Variants in FAM234B observed in about 807,000 individuals in gnomAD.
FAM234B encodes protein FAM234B.
FAM234B carries 33 observed loss-of-function variants against 69.3 expected under a neutral mutation model. The observed-to-expected ratio is 0.48, with a 90% CI of 0.36 to 0.64. The LOEUF (loss-of-function observed/expected upper bound fraction) is 0.64. FAM234B is among the 30% of genes least tolerant of loss of function. FAM234B has a pLI of 0.00. For synonymous variants in FAM234B, 306 were observed against 306.9 expected (o/e 1.00, Z 0.03); for missense variants, 697 against 769.7 (o/e 0.91, Z 1.12).
chr12:13,066,696 T>G lies in FAM234B; in HGVS notation c.909T>G (p.Pro303=), dbSNP rs745365598. 3.7e-6 allele frequency: 6 copies of G among 1,613,972 alleles called. No individual in the cohort carries two copies. Among genetic ancestry groups the G allele is most frequent in the Non-Finnish European group, 5.1e-6 (6 of 1,179,978 alleles). ...SGRTGNPVGR[P]VKYNIVGVGN... is the part of the protein sequence containing the mutation. ...GGACCGGAAATCCAGTGGGTCGACC[T>G]GTGAAGTACAACATCGTTGGAGTTG... Residue 303 remains proline, a synonymous_variant, in exon 6 of 13, where the codon CCT becomes CCG. Coordinates refer to ENST00000197268, the MANE Select transcript of FAM234B (RefSeq NM_020853.2).
chr12:13,051,897 A>T (rs1864880678), intron 1 of FAM234B, among the ~76,000 whole-genome samples: 1 of 152,242 alleles, frequency 6.6e-6, no homozygotes, highest in Non-Finnish European at 1.5e-5. Flanking sequence ...TAAGAAGCAG[A>T]CATATATTAT....
At position 13,081,456 on chromosome 12, in the gene FAM234B, GTA is replaced by G. The variant is rs1865225155; in HGVS notation, c.*828_*829del. On this transcript the variant is annotated 3_prime_UTR_variant, in exon 13 of 13. Coordinates refer to ENST00000197268, the MANE Select transcript of FAM234B (RefSeq NM_020853.2). ...TTTTTTCTGTGGCGACATCAGAAGTGTATGTTTGCATGCTGTCTTCAACTTAG... is the reference window on the plus strand; with the variant it reads ...TTTTTTCTGTGGCGACATCAGAAGTGTGTTTGCATGCTGTCTTCAACTTAG... 1 of 152,298 alleles carries G rather than the reference GTA, an allele frequency of 6.6e-6. No homozygotes were observed. The highest frequency in any genetic ancestry group is 2.4e-5 in the African/African-American group (1 of 41,450). 9.4% of individuals were successfully genotyped at this position (152,298 alleles called of 1,614,324 possible). A position where few individuals can be genotyped will look rare whatever the true frequency, so the allele number is the denominator to read the frequency against.
chr12:13,075,606 T>C (rs1255209197), intron 10 of FAM234B, among the ~76,000 whole-genome samples: 1 of 108,732 alleles, frequency 9.2e-6, no homozygotes, highest in Admixed American at 1.0e-4. Context: ...CAGCTTTTTT[T>C]TCTCTTTTTT....
Position 13,067,307 on chromosome 12 carries a change from C to T in FAM234B, c.1142+11C>T, listed in dbSNP as rs368080351. The T allele has an allele frequency of 7.4e-6, 12 of 1,613,764 alleles. No individual in the cohort carries two copies. Among genetic ancestry groups the T allele is most frequent in the East Asian group, 2.2e-5 (1 of 44,884 alleles). Reference sequence around the variant, plus strand: ...CATTGATGTTTACAGGTAGGGCAGACGTCTGTCCTTGGTCACAGTGAGATC... The same window carrying T: ...CATTGATGTTTACAGGTAGGGCAGATGTCTGTCCTTGGTCACAGTGAGATC... On this transcript the variant is annotated intron_variant, in intron 7 of 12. Coordinates refer to ENST00000197268, the MANE Select transcript of FAM234B (RefSeq NM_020853.2). This position sits in a 1 kb window ranked among gnomAD's most constrained non-coding sequence, Gnocchi z 4.7.
In FAM234B at chr12:13,082,655, T is replaced by C. The variant is rs1865249990; in HGVS notation, c.*2025T>C. ...TTTGAAGAATTAATTTATAGGCAGC[T>C]GAATACCCAAAACTTGGGTGGTGGT... On this transcript the variant is annotated 3_prime_UTR_variant, in exon 13 of 13. Transcript: ENST00000197268. 6.6e-6 allele frequency: 1 copy of C among 152,218 alleles called. No homozygotes were observed. The allele number at this position is 152,218 out of a possible 1,614,324, so 9.4% of individuals were successfully genotyped here.
chr12:13,077,155 G>A (rs917567280), intron 11 of FAM234B, among the ~76,000 whole-genome samples: 3 of 152,074 alleles, frequency 2.0e-5, no homozygotes, highest in Non-Finnish European at 4.4e-5. Context: ...AGATCTGAGT[G>A]AGCTGTTTTT....
intron 11 of FAM234B, among the ~76,000 whole-genome samples, chr12:13,079,246 A>C (rs890535532): frequency 3.5e-4 from 54 of 152,202 alleles, no homozygotes; most frequent in Non-Finnish European, 5.1e-4. Context: ...CATACCTACA[A>C]CTATCTGATC....
chr12:13,044,407 G>C lies in FAM234B; in HGVS notation c.4G>C (p.Ala2Pro). The C allele has an allele frequency of 6.4e-7, 1 of 1,551,838 alleles. No homozygotes were observed. Among genetic ancestry groups the C allele is most frequent in the South Asian group, 1.2e-5 (1 of 84,104 alleles). M[A>P]TVLSRALKLP... ...CACGCGCACCGGGGCCTCAGCCATG[G>C]CGACCGTGCTGTCCAGGGCGCTCAA... is the stretch of plus-strand genomic sequence containing the variant. Residue 2 changes from alanine (A) to proline (P), a missense_variant, in exon 1 of 13, where the codon GCG becomes CCG. This residue lies in a region of FAM234B where 380 missense variants were observed against 447.1 expected (regional missense o/e 0.85). Coordinates refer to ENST00000197268, the MANE Select transcript of FAM234B (RefSeq NM_020853.2). This position sits in a 1 kb window ranked among gnomAD's most constrained non-coding sequence, Gnocchi z 5.6.
chr12:13,055,499 AGGGTG>A (rs1282589079), intron 1 of FAM234B, 47 bp from the exon 2 acceptor site: 1 of 1,478,338 alleles, frequency 6.8e-7, no homozygotes, highest in Admixed American at 2.2e-5. Flanking sequence ...ATATTTGGTG[AGGGTG>A]TCTTCTCCCC....
chr12:13,046,450 G>C (rs1864813182), intron 1 of FAM234B, among the ~76,000 whole-genome samples: 1 of 151,556 alleles, frequency 6.6e-6, no homozygotes, highest in Admixed American at 6.6e-5. Context: ...TTCTTTGTTT[G>C]TTTTTTTGTT....
chr12:13,075,433 C>CTTTTTTTTTTTTTTTTT (rs59012504), intron 10 of FAM234B, among the ~76,000 whole-genome samples: 23 of 137,506 alleles, frequency 1.7e-4, no homozygotes, highest in South Asian at 2.3e-4. Context: ...CTTTTCTTTT[C>CTTTTTTTTTTTTTTTTT]TTTTTTTTTT....
At chr12:13,069,106 A>G (rs974721246) in intron 9 of FAM234B, among the ~76,000 whole-genome samples, 3 of 152,240 alleles carry the variant, frequency 2.0e-5, no homozygotes, top group African/African-American at 7.2e-5. Context: ...AAGGAGGGAA[A>G]TATAAGCAGC....
chr12:13,062,309 G>A (rs1405315758), intron 4 of FAM234B: 1 of 155,762 alleles, frequency 6.4e-6, no homozygotes, highest in Non-Finnish European at 1.4e-5. Flanking sequence ...GTGTGCTCAC[G>A]TGGAGCGGAA....
chr12:13,069,449 C>G (rs529461264), intron 9 of FAM234B, among the ~76,000 whole-genome samples: 2 of 152,250 alleles, frequency 1.3e-5, no homozygotes, highest in East Asian at 3.9e-4. Flanking sequence ...TTTATCATCA[C>G]CTCTAATGCG....
rs754730917 is a variant in FAM234B, at chr12:13,055,574, G to A, written c.61G>A (p.Glu21Lys). 2.5e-6 allele frequency: 4 copies of A among 1,607,874 alleles called. No homozygotes were observed. The South Asian group carries it at 3.3e-5, about 13-fold the overall frequency. ...LPGKKSPDLG[E>K]YDPLTQADSD... ...AGGGAAGAAGAGCCCAGACCTAGGG[G>A]AGTATGATCCACTTACCCAGGCTGA... The change falls in exon 2 of 13, where the codon GAG becomes AAG. Residue 21 changes from glutamate (E) to lysine (K), a missense_variant. Coordinates refer to ENST00000197268, the MANE Select transcript of FAM234B (RefSeq NM_020853.2).
At chr12:13,078,860 C>A (rs1865191576) in intron 11 of FAM234B, among the ~76,000 whole-genome samples, 1 of 151,922 alleles carries the variant, frequency 6.6e-6, no homozygotes, top group Non-Finnish European at 1.5e-5. Flanking sequence ...TCAAGGAGAA[C>A]TACAAACCAC....
intron 3 of FAM234B, among the ~76,000 whole-genome samples, chr12:13,061,063 G>A (rs1459427182): frequency 6.6e-6 from 1 of 152,184 alleles, no homozygotes; most frequent in Non-Finnish European, 1.5e-5. Flanking sequence ...GCATTTATTA[G>A]TGATGATTAG....
intron 3 of FAM234B, 37 bp from the exon 4 acceptor site, chr12:13,061,538 C>G: frequency 6.4e-7 from 1 of 1,566,590 alleles, no homozygotes; most frequent in Non-Finnish European, 8.7e-7. Context: ...TCTCCTTTGC[C>G]TGCTTTCCTT....
intron 1 of FAM234B, among the ~76,000 whole-genome samples, chr12:13,054,385 C>G (rs1356079052): frequency 2.0e-5 from 3 of 152,148 alleles, no homozygotes; most frequent in African/African-American, 7.2e-5. Flanking sequence ...CCAGCTGGTC[C>G]CTCCATTTGG....
Sources: gnomAD v4.1 joint callset for allele counts (sites outside exome capture counted in the v4.1 genomes callset) on GRCh38, gnomAD v4.1.1 for gene constraint, gnomAD v4.1.1 regional missense constraint, Gnocchi (gnomAD v3.1) non-coding constraint, MANE v1.5 for transcripts, NCBI Gene and HGNC (gene_info 2026-07-23, HGNC 2026-07-21) for gene names.